The following NKAIN2 variants were observed in gnomAD, a reference collection of about 807,000 sequenced individuals.
The protein encoded by NKAIN2 is sodium/potassium-transporting ATPase subunit beta-1-interacting protein 2.
Under a neutral mutation model 32.6 loss-of-function variants are expected in NKAIN2, and 14 were observed. That is an observed-to-expected ratio of 0.43 (90% CI 0.28 to 0.67). The LOEUF is 0.67. Ranked by LOEUF, NKAIN2 falls within the 30% of genes least tolerant of loss-of-function variation. The pLI, the probability that NKAIN2 is intolerant of heterozygous loss-of-function variation, is 0.17. For synonymous variants in NKAIN2, 80 were observed against 87.2 expected (o/e 0.92, Z 0.46); for missense variants, 198 against 258.3 (o/e 0.77, Z 1.60).
At chr6:124,709,475 C>A (rs1237613635) in intron 4 of NKAIN2, among the ~76,000 whole-genome samples, 1 of 151,670 alleles carries the variant, frequency 6.6e-6, no homozygotes, top group Non-Finnish European at 1.5e-5. Context: ...GTCCTGGACT[C>A]TTTATGGTTG....
chr6:123,881,669 A>G (rs1017812442), intron 1 of NKAIN2, among the ~76,000 whole-genome samples: 2 of 152,198 alleles, frequency 1.3e-5, no homozygotes, highest in East Asian at 1.9e-4. Context: ...GATTTCATAT[A>G]TAATGATTTA....
At chr6:124,392,268 T>C (rs1773175193) in intron 3 of NKAIN2, among the ~76,000 whole-genome samples, 1 of 152,186 alleles carries the variant, frequency 6.6e-6, no homozygotes, top group Non-Finnish European at 1.5e-5. Flanking sequence ...GTAAGGCCCG[T>C]ATTTTATTGG....
intron 1 of NKAIN2, among the ~76,000 whole-genome samples, chr6:123,997,457 A>G (rs954028705): frequency 1.3e-4 from 20 of 152,178 alleles, no homozygotes; most frequent in Non-Finnish European, 2.5e-4. Flanking sequence ...CCAACTCACA[A>G]TGGTCTTATC....
intron 3 of NKAIN2, among the ~76,000 whole-genome samples, chr6:124,625,783 C>T (rs974865563): frequency 1.3e-5 from 2 of 151,716 alleles, no homozygotes; most frequent in African/African-American, 4.8e-5. Flanking sequence ...TTAAAGAGAA[C>T]AGTATGGTTA....
chr6:124,663,985 A>T (rs1223482768), intron 4 of NKAIN2, among the ~76,000 whole-genome samples: 2 of 152,136 alleles, frequency 1.3e-5, no homozygotes, highest in Admixed American at 1.3e-4. Flanking sequence ...ATTCTGTCTC[A>T]TTCTAGTGCT....
At chr6:123,973,625 C>T (rs548375460) in intron 1 of NKAIN2, among the ~76,000 whole-genome samples, 3 of 152,144 alleles carry the variant, frequency 2.0e-5, no homozygotes, top group South Asian at 2.1e-4. Context: ...ACTCCAAATT[C>T]ATAGTCCTCA....
At chr6:124,040,756 C>G (rs1353293734) in intron 1 of NKAIN2, among the ~76,000 whole-genome samples, 1 of 151,860 alleles carries the variant, frequency 6.6e-6, no homozygotes, top group African/African-American at 2.4e-5. Flanking sequence ...AGCTGTGTTA[C>G]CACGAACAAG....
chr6:124,055,235 G>A (rs909428881), intron 1 of NKAIN2, among the ~76,000 whole-genome samples: 114 of 152,082 alleles, frequency 7.5e-4, no homozygotes, highest in African/African-American at 2.7e-3. Context: ...GCATTTAGTT[G>A]CTTTCTTATG....
At chr6:124,448,966 C>A (rs551913110) in intron 3 of NKAIN2, among the ~76,000 whole-genome samples, 1 of 152,096 alleles carries the variant, frequency 6.6e-6, no homozygotes, top group Middle Eastern at 3.4e-3. Flanking sequence ...TTTTAAGGGA[C>A]AAGGAATTGT....
chr6:124,080,359 A>G (rs1462781265), intron 1 of NKAIN2, among the ~76,000 whole-genome samples: 1 of 152,166 alleles, frequency 6.6e-6, no homozygotes, highest in East Asian at 1.9e-4. Context: ...TTCTGGATCT[A>G]TCAGTCTCAA....
chr6:124,381,273 T>G (rs1264431151), intron 3 of NKAIN2, among the ~76,000 whole-genome samples: 1 of 151,976 alleles, frequency 6.6e-6, no homozygotes, highest in Non-Finnish European at 1.5e-5. Context: ...AGCAGAGTTA[T>G]TACTACTTTT....
At position 123,982,525 on chromosome 6, in the gene NKAIN2, A is replaced by AT. The variant is rs528397323; in HGVS notation, c.54+178275dup. 5.0e-4 allele frequency among the ~76,000 whole-genome samples: 76 copies of AT among 152,214 alleles called. 1 individual carries two copies. Among genetic ancestry groups the AT allele is most frequent in the Non-Finnish European group, 8.5e-4 (58 of 67,998 alleles). The stretch of plus-strand genomic sequence containing the variant: ...TTTCATTATATTGTGCCTTTGTGTG[A>AT]TTTTAGTGCATATGAGAGTAGGAAA... On this transcript the variant is annotated intron_variant, in intron 1 of 6. Transcript: ENST00000368417.
chr6:124,524,246 G>T (rs1393132282), intron 3 of NKAIN2, among the ~76,000 whole-genome samples: 1 of 152,096 alleles, frequency 6.6e-6, no homozygotes, highest in East Asian at 1.9e-4. Flanking sequence ...GCACAAATTT[G>T]TTTATATGTT....
chr6:124,432,304 A>T (rs557918676), intron 3 of NKAIN2, among the ~76,000 whole-genome samples: 5 of 152,272 alleles, frequency 3.3e-5, no homozygotes, highest in African/African-American at 1.2e-4. Flanking sequence ...CATGGGCTTG[A>T]TATGTTATTG....
chr6:123,828,673 C>T (rs139288171), intron 1 of NKAIN2: 1 of 152,300 alleles, frequency 6.6e-6, no homozygotes, highest in East Asian at 1.9e-4. Flanking sequence ...TCCCTCTCCC[C>T]CTTAAGACTT....
intron 1 of NKAIN2, among the ~76,000 whole-genome samples, chr6:123,959,740 AT>A (rs1270920137): frequency 6.8e-6 from 1 of 148,090 alleles, no homozygotes; most frequent in South Asian, 2.1e-4. Flanking sequence ...GGAAGTTAGA[AT>A]TTTTTTTCCC....
chr6:124,434,557 G>A (rs978728810), intron 3 of NKAIN2, among the ~76,000 whole-genome samples: 3 of 152,062 alleles, frequency 2.0e-5, no homozygotes, highest in African/African-American at 7.2e-5. Context: ...GGAAATCTGG[G>A]CCATTTAATA....
intron 3 of NKAIN2, among the ~76,000 whole-genome samples, chr6:124,389,693 C>T (rs1773058240): frequency 6.8e-6 from 1 of 146,134 alleles, no homozygotes; most frequent in South Asian, 2.2e-4. Context: ...TTTCTCTCTC[C>T]TTTCCTCATC....
At chr6:124,025,902 G>C (rs1430713730) in intron 1 of NKAIN2, among the ~76,000 whole-genome samples, 1 of 152,096 alleles carries the variant, frequency 6.6e-6, no homozygotes, top group Non-Finnish European at 1.5e-5. Context: ...TTTCTCCCCT[G>C]AAACAAGTTC....
Sources: allele counts gnomAD v4.1 joint callset (sites outside exome capture counted in the v4.1 genomes callset), GRCh38; gene constraint gnomAD v4.1.1; transcripts MANE v1.5; gene names NCBI Gene and HGNC (gene_info 2026-07-23, HGNC 2026-07-21).